Variants in ATRNL1 observed in about 807,000 individuals in gnomAD.
ATRNL1 encodes attractin-like protein 1.
ATRNL1 carries 95 observed loss-of-function variants against 182.7 expected under a neutral mutation model. The observed-to-expected ratio is 0.52, with a 90% confidence interval of 0.44 to 0.62. The LOEUF (loss-of-function observed/expected upper bound fraction) is 0.62, where lower values mean the gene tolerates loss of function less well. Ranked by LOEUF, ATRNL1 falls within the 20% of genes least tolerant of loss-of-function variation. The probability of loss-of-function intolerance (pLI) is 0.00; values close to 1 mark genes in which losing one functional copy is unlikely to be tolerated. For missense variants in ATRNL1, 1,471 were observed against 1,679.5 expected (o/e 0.88, Z 2.17); for synonymous variants, 576 against 568.3 (o/e 1.01, Z -0.19).
intron 28 of ATRNL1, among the ~76,000 whole-genome samples, chr10:115,925,606 G>A (rs1240070303): frequency 6.6e-6 from 1 of 152,012 alleles, no homozygotes; most frequent in Admixed American, 6.6e-5. Context: ...AAAAGCAGGG[G>A]TTGCAATCCT....
At chr10:115,369,234 G>T (rs1023744607) in intron 19 of ATRNL1, among the ~76,000 whole-genome samples, 1 of 142,542 alleles carries the variant, frequency 7.0e-6, no homozygotes, top group South Asian at 2.4e-4. Context: ...GGGGATGGAG[G>T]ATTCTGTGAT....
intron 27 of ATRNL1, among the ~76,000 whole-genome samples, chr10:115,841,708 T>C (rs1950812897): frequency 6.6e-6 from 1 of 152,142 alleles, no homozygotes; most frequent in Non-Finnish European, 1.5e-5. Flanking sequence ...CTAATGTGTT[T>C]TTTTCTCCTT....
chr10:115,527,750 A>T (rs868990952), intron 25 of ATRNL1, among the ~76,000 whole-genome samples: 1 of 152,004 alleles, frequency 6.6e-6, no homozygotes, highest in African/African-American at 2.4e-5. Flanking sequence ...CTACCCTTTT[A>T]TTGAGAATTT....
intron 27 of ATRNL1, among the ~76,000 whole-genome samples, chr10:115,807,901 G>T (rs1358212207): frequency 6.6e-6 from 1 of 152,126 alleles, no homozygotes; most frequent in Non-Finnish European, 1.5e-5. Flanking sequence ...TACTAGGACT[G>T]CCTTATAAAA....
intron 1 of ATRNL1, among the ~76,000 whole-genome samples, chr10:115,110,416 G>A (rs1844207468): frequency 1.3e-5 from 2 of 152,304 alleles, no homozygotes; most frequent in South Asian, 2.1e-4. Flanking sequence ...TGGCCTCTTG[G>A]TGCTGAGAGC....
chr10:115,351,269 C>T (rs1554941236), intron 19 of ATRNL1, among the ~76,000 whole-genome samples: 1 of 152,032 alleles, frequency 6.6e-6, no homozygotes, highest in Non-Finnish European at 1.5e-5. Flanking sequence ...CTGGGTGGGA[C>T]TTCCAGTACT....
At chr10:115,232,290 C>A (rs1029510534) in intron 9 of ATRNL1, among the ~76,000 whole-genome samples, 2 of 151,996 alleles carry the variant, frequency 1.3e-5, no homozygotes, top group Non-Finnish European at 2.9e-5. Context: ...TATTTTTTGC[C>A]AATATGGTGA....
intron 27 of ATRNL1, among the ~76,000 whole-genome samples, chr10:115,737,377 A>G (rs1555066259): frequency 6.6e-6 from 1 of 151,348 alleles, no homozygotes; most frequent in Non-Finnish European, 1.5e-5. Context: ...TCGAGGCTGC[A>G]GTGAGCCATG....
intron 25 of ATRNL1, among the ~76,000 whole-genome samples, chr10:115,545,093 A>G (rs888288266): frequency 6.6e-6 from 1 of 152,086 alleles, no homozygotes; most frequent in Non-Finnish European, 1.5e-5. Context: ...ATTAGAAAAA[A>G]TGATGTTATT....
intron 1 of ATRNL1, among the ~76,000 whole-genome samples, chr10:115,096,470 T>C (rs1372541221): frequency 1.3e-5 from 2 of 152,188 alleles, no homozygotes; most frequent in East Asian, 3.8e-4. Flanking sequence ...AATAACACAG[T>C]GGGAAAGGCT....
chr10:115,096,656 G>A, intron 1 of ATRNL1: 1 of 1,288,786 alleles, frequency 7.8e-7, no homozygotes, highest in African/African-American at 1.5e-5. Context: ...GATTTCGCCA[G>A]GGAATAAAAA....
intron 24 of ATRNL1, among the ~76,000 whole-genome samples, chr10:115,509,130 A>T (rs903243171): frequency 6.6e-6 from 1 of 152,054 alleles, no homozygotes; most frequent in African/African-American, 2.4e-5. Flanking sequence ...TAAAGCCAGC[A>T]TGACAGCATA....
intron 27 of ATRNL1, among the ~76,000 whole-genome samples, chr10:115,816,028 A>G (rs1423188681): frequency 1.3e-5 from 2 of 152,148 alleles, no homozygotes; most frequent in African/African-American, 4.8e-5. Context: ...TCAGTGAATT[A>G]CAGTCTTAGG....
At chr10:115,621,276 TAGAG>T (rs1157745862) in intron 26 of ATRNL1, among the ~76,000 whole-genome samples, 44 of 47,578 alleles carry the variant, frequency 9.2e-4, no homozygotes, top group African/African-American at 3.2e-3. Context: ...TATATATATA[TAGAG>T]AGAGAGAGAG....
chr10:115,265,079 T>C, intron 10 of ATRNL1, 114 bp from the exon 11 acceptor site: 1 of 537,494 alleles, frequency 1.9e-6, no homozygotes, highest in Non-Finnish European at 3.2e-6. Context: ...AATTTTTTTT[T>C]TGCTTCCTGC....
intron 1 of ATRNL1, among the ~76,000 whole-genome samples, chr10:115,102,312 G>C (rs1422391822): frequency 6.6e-6 from 1 of 151,814 alleles, no homozygotes; most frequent in Non-Finnish European, 1.5e-5. Context: ...AAAGTTAATT[G>C]GACGTCTTTA....
chr10:115,346,123 A>T (rs1281272819), intron 19 of ATRNL1, among the ~76,000 whole-genome samples: 1 of 152,228 alleles, frequency 6.6e-6, no homozygotes, highest in South Asian at 2.1e-4. Flanking sequence ...AAAGTTTACC[A>T]TTTTAAACAT....
chr10:115,699,449 G>C (rs1946664836), intron 26 of ATRNL1, among the ~76,000 whole-genome samples: 1 of 151,942 alleles, frequency 6.6e-6, no homozygotes, highest in Admixed American at 6.6e-5. Context: ...GTAAGGATAG[G>C]CAATTAGATC....
In ATRNL1 at chr10:115,158,466, C is replaced by G. The variant is rs139709079; in HGVS notation, c.830-1574C>G. ...ATTAAAAAAGAGGTTCCTTTAATAT[C>G]TCTGATTACTAAGGAATAGTTCACA... On this transcript the variant is annotated intron_variant, in intron 5 of 28. Transcript: ENST00000355044. Among the ~76,000 whole-genome samples, 23 of 152,064 alleles carry G rather than the reference C, an allele frequency of 1.5e-4. No homozygotes were observed. The East Asian group carries it at 4.3e-3, about 28-fold the overall frequency.
Sources: allele counts gnomAD v4.1 joint callset (sites outside exome capture counted in the v4.1 genomes callset), GRCh38; gene constraint gnomAD v4.1.1; transcripts MANE v1.5; gene names NCBI Gene and HGNC (gene_info 2026-07-23, HGNC 2026-07-21).